The following TRIM65 variants were observed in gnomAD, a reference collection of about 807,000 sequenced individuals.
TRIM65 encodes tripartite motif containing 65, also known as E3 ubiquitin-protein ligase TRIM65.
Under a neutral mutation model 36.1 loss-of-function variants are expected in TRIM65, and 46 were observed. The ratio of observed to expected loss-of-function variants is 1.27; its 90% CI spans 1.01 to 1.63. The LOEUF (loss-of-function observed/expected upper bound fraction) is 1.63. Ranked by LOEUF, TRIM65 falls within the 40% of genes most tolerant of loss-of-function variation. The pLI is 0.00. For synonymous variants in TRIM65, 346 were observed against 313.6 expected, an observed-to-expected ratio of 1.10 and a Z score of -1.09; for missense variants, 708 against 696.6, an observed-to-expected ratio of 1.02 and a Z score of -0.18.
downstream of TRIM65, among the ~76,000 whole-genome samples, chr17:75,886,143 A>C (rs182738785): frequency 6.6e-6 from 1 of 152,138 alleles, no homozygotes; most frequent in Non-Finnish European, 1.5e-5. Context: ...CCTGCCTGCC[A>C]CCATATGAGA....
chr17:75,891,311 T>C lies in TRIM65; in HGVS notation c.1022A>G (p.Asn341Ser), dbSNP rs1346584949. The change falls in exon 6 of 6, where the codon AAC becomes AGC. Residue 341 changes from asparagine (N) to serine (S), a missense_variant. Transcript: ENST00000269383. ...CTGGCGCGACAGATAGAAGTGACGG[T>C]TGGCGCTGACTGGATCAAAGGTCAG... Reference protein sequence around the residue: ...RNLTFDPVSANRHFYLSRQDQ... With the variant: ...RNLTFDPVSASRHFYLSRQDQ... The C allele has an allele frequency of 1.9e-6, 3 of 1,613,186 alleles. No individual in the cohort carries two copies. The highest frequency in any genetic ancestry group is 1.3e-5 in the African/African-American group (1 of 75,016).
At chr17:75,888,642 G>C (rs1196306289), downstream of TRIM65, among the ~76,000 whole-genome samples, 1 of 152,210 alleles carries the variant, frequency 6.6e-6, no homozygotes, top group Non-Finnish European at 1.5e-5. Context: ...CTGCCTGGCT[G>C]GGCTTTCAGC....
At chr17:75,885,751 G>T (rs2065202412), downstream of TRIM65, among the ~76,000 whole-genome samples, 1 of 152,220 alleles carries the variant, frequency 6.6e-6, no homozygotes, top group Non-Finnish European at 1.5e-5. Context: ...ATCCCTGACT[G>T]ACAGTTTGGC....
At position 75,896,932 on chromosome 17, in the gene TRIM65, G is replaced by C. The variant is rs113111567; in HGVS notation, c.6C>G (p.Ala2=). M[A]AQLLEEKLTC... is the part of the protein sequence containing the mutation. ...TCAGCTTCTCCTCCAGCAGCTGCGC[G>C]GCCATGGCCCGGCGGCGGCGAGAGC... Residue 2 remains alanine (A), a synonymous_variant, in exon 1 of 6, where the codon GCC becomes GCG. Coordinates refer to ENST00000269383, the MANE Select transcript of TRIM65 (RefSeq NM_173547.4). 3 of 1,496,070 alleles carry C rather than the reference G, an allele frequency of 2.0e-6. No individual in the cohort carries two copies. Among genetic ancestry groups the C allele is most frequent in the Non-Finnish European group, 8.9e-7 (1 of 1,127,954 alleles). The allele number at this position is 1,496,070 out of a possible 1,614,324, so 92.7% of individuals were successfully genotyped here.
intron 4 of TRIM65, among the ~76,000 whole-genome samples, chr17:75,882,825 G>C (rs1205670589): frequency 6.7e-6 from 1 of 150,140 alleles, no homozygotes; most frequent in Admixed American, 6.6e-5. Flanking sequence ...TGTAGTAGTA[G>C]TGCTTGAGAA....
chr17:75,886,596 C>T (rs1349661359), downstream of TRIM65, among the ~76,000 whole-genome samples: 4 of 151,532 alleles, frequency 2.6e-5, no homozygotes, highest in Non-Finnish European at 5.9e-5. Context: ...TCTTTATTAG[C>T]GCACAAAAAC....
chr17:75,896,528 C>A lies in TRIM65; in HGVS notation c.410G>T (p.Arg137Leu), dbSNP rs1210792807. 62 of 1,342,424 alleles carry A rather than the reference C, an allele frequency of 4.6e-5. No homozygotes were observed. In the East Asian group the frequency reaches 1.9e-3, roughly 40 times the overall value. 83.2% of individuals were successfully genotyped at this position (1,342,424 alleles called of 1,614,324 possible). Reference protein sequence around the residue: ...RALLDAERLKREAQLRASLEV... With the variant: ...RALLDAERLKLEAQLRASLEV... ...CGCTCCCGGCGGATGCGTCACCTCG[C>A]GCTTGAGGCGCTCGGCATCCAGCAG... Residue 137 changes from arginine (R) to leucine (L), a missense_variant, in exon 1 of 6, where the codon CGC becomes CTC. By Grantham distance (102) the Arg-to-Leu change is moderately radical. Transcript: ENST00000269383.
chr17:75,882,850 T>C (rs544312169), intron 4 of TRIM65, among the ~76,000 whole-genome samples: 4 of 149,692 alleles, frequency 2.7e-5, no homozygotes, highest in African/African-American at 7.6e-5. Flanking sequence ...AGGAAAAAAA[T>C]CAAACAAAAA....
chr17:75,891,000 CT>C lies in TRIM65; in HGVS notation c.1332del (p.Val446CysfsTer52). 1.3e-6 allele frequency: 2 copies of C among 1,592,206 alleles called. No individual in the cohort carries two copies. The highest frequency in any genetic ancestry group is 8.5e-7 in the Non-Finnish European group (1 of 1,170,100). On this transcript the variant is annotated frameshift_variant, in exon 6 of 6. Transcript: ENST00000269383. LOFTEE classifies it low-confidence loss of function (END_TRUNC). ...ATGCCCAGGAGCCGCCCTGACACCC[CT>C]GGGAGGCGCTGGGCTTCCCCGTTGT... ...AWHNGEAQRL[P>X]GVSGRLLGMD...
At chr17:75,884,212 C>G (rs1381842005), downstream of TRIM65, among the ~76,000 whole-genome samples, 1 of 152,118 alleles carries the variant, frequency 6.6e-6, no homozygotes, top group Admixed American at 6.5e-5. Flanking sequence ...AATCCCAGCA[C>G]TTTGGGAGGC....
At chr17:75,883,526 GT>G (rs58142876) in intron 4 of TRIM65, among the ~76,000 whole-genome samples, 2 of 118,344 alleles carry the variant, frequency 1.7e-5, no homozygotes, top group Non-Finnish European at 3.2e-5. Flanking sequence ...CTCTGAACAA[GT>G]TTTTTTTTTT....
downstream of TRIM65, among the ~76,000 whole-genome samples, chr17:75,884,302 AC>A (rs139752313): frequency 6.6e-6 from 1 of 151,806 alleles, no homozygotes; most frequent in African/African-American, 2.4e-5. Context: ...TACTAAAAAT[AC>A]AAAAAATTAG....
chr17:75,884,195 C>G (rs1372878116), downstream of TRIM65, among the ~76,000 whole-genome samples: 1 of 151,962 alleles, frequency 6.6e-6, no homozygotes, highest in Non-Finnish European at 1.5e-5. Context: ...CGGTGGCTCG[C>G]GCCTGTAATC....
downstream of TRIM65, among the ~76,000 whole-genome samples, chr17:75,888,023 G>A (rs1206280273): frequency 6.6e-6 from 1 of 152,028 alleles, no homozygotes; most frequent in Non-Finnish European, 1.5e-5. Flanking sequence ...GGGCGTGGTG[G>A]CAGGTGCCTG....
In TRIM65 at chr17:75,896,763, C is replaced by G; in HGVS notation, c.175G>C (p.Glu59Gln). 6.7e-7 allele frequency: 1 copy of G among 1,492,634 alleles called. No individual in the cohort carries two copies. The highest frequency in any genetic ancestry group is 2.2e-5 in the Admixed American group (1 of 46,044). 92.5% of individuals were successfully genotyped at this position (1,492,634 alleles called of 1,614,324 possible). A position where few individuals can be genotyped will look rare whatever the true frequency, so the allele number is the denominator to read the frequency against. ...ECREPFPDGAELRRNVALSGV... is the reference protein window; with the variant it reads ...ECREPFPDGAQLRRNVALSGV... ...CTGAGGGCCACGTTGCGGCGCAGCT[C>G]GGCGCCGTCGGGAAAGGGCTCCCGG... The change falls in exon 1 of 6, where the codon GAG (glutamate) becomes CAG (glutamine). Residue 59 changes from glutamate to glutamine, a missense_variant. By Grantham distance (29) the Glu-to-Gln change is conservative (BLOSUM62 2). Transcript: ENST00000269383.
chr17:75,882,771 G>T (rs74993706), intron 4 of TRIM65, among the ~76,000 whole-genome samples: 1 of 150,410 alleles, frequency 6.6e-6, no homozygotes, highest in Non-Finnish European at 1.5e-5. Context: ...AGCTCAAGAG[G>T]TTGCAGCTTG....
chr17:75,891,363 G>C lies in TRIM65; in HGVS notation c.986-16C>G. 1 of 1,612,248 alleles carries C rather than the reference G, an allele frequency of 6.2e-7. No individual in the cohort carries two copies. Among genetic ancestry groups the C allele is most frequent in the Non-Finnish European group, 8.5e-7 (1 of 1,179,238 alleles). On this transcript the variant is annotated splice_polypyrimidine_tract_variant and intron_variant, in intron 5 of 5. Coordinates refer to ENST00000269383, the MANE Select transcript of TRIM65 (RefSeq NM_173547.4). ...TTGCGATAATCTGTTGGGGAAAGGA[G>C]GACAGCAGTGGGCTGGGGGAAGACA... is the stretch of plus-strand genomic sequence containing the variant.
At chr17:75,893,371 T>G (rs1384855979) in intron 1 of TRIM65, among the ~76,000 whole-genome samples, 1 of 152,172 alleles carries the variant, frequency 6.6e-6, no homozygotes, top group Non-Finnish European at 1.5e-5. Flanking sequence ...GGCAGTTACT[T>G]GCTGGATAAA....
At chr17:75,892,724 C>T in intron 2 of TRIM65, 31 bp downstream of exon 2, 1 of 1,587,510 alleles carries the variant, frequency 6.3e-7, no homozygotes, top group Non-Finnish European at 8.6e-7. Flanking sequence ...AGTGTGAGGC[C>T]ATGGTGGGCG....
Sources: allele counts gnomAD v4.1 joint callset (sites outside exome capture counted in the v4.1 genomes callset), GRCh38; gene constraint gnomAD v4.1.1; transcripts MANE v1.5; gene names NCBI Gene and HGNC (gene_info 2026-07-23, HGNC 2026-07-21).